The following PARD3B variants were observed in gnomAD, a reference collection of about 807,000 sequenced individuals.
The protein encoded by PARD3B is partitioning defective 3 homolog B.
PARD3B carries 103 observed loss-of-function variants against 130.2 expected under a neutral mutation model. The ratio of observed to expected loss-of-function variants is 0.79; its 90% CI spans 0.67 to 0.93. PARD3B has a LOEUF of 0.93. Ranked by LOEUF, PARD3B falls within the 40% of genes least tolerant of loss-of-function variation. The pLI is 0.00. For synonymous variants in PARD3B, 583 were observed against 553.2 expected (o/e 1.05, Z -0.76); for missense variants, 1,609 against 1,499.2 (o/e 1.07, Z -1.21).
At chr2:204,955,729 A>G (rs1238346318) in intron 2 of PARD3B, among the ~76,000 whole-genome samples, 1 of 152,226 alleles carries the variant, frequency 6.6e-6, no homozygotes, top group East Asian at 1.9e-4. Context: ...CACTTAATAC[A>G]GTGCCTAGCA....
At chr2:204,660,486 C>T (rs2035769552) in intron 1 of PARD3B, among the ~76,000 whole-genome samples, 1 of 152,112 alleles carries the variant, frequency 6.6e-6, no homozygotes, top group Non-Finnish European at 1.5e-5. Context: ...AAATATAAGA[C>T]ATAGAAATGT....
At chr2:205,545,553 T>A (rs2052345514) in intron 21 of PARD3B, among the ~76,000 whole-genome samples, 2 of 152,180 alleles carry the variant, frequency 1.3e-5, no homozygotes, top group Non-Finnish European at 1.5e-5. Context: ...TTGTAATGGA[T>A]CTAAGTAAGA....
At chr2:204,821,939 A>T (rs2043377156) in intron 2 of PARD3B, among the ~76,000 whole-genome samples, 1 of 152,116 alleles carries the variant, frequency 6.6e-6, no homozygotes, top group African/African-American at 2.4e-5. Flanking sequence ...CTAACATAAC[A>T]TCTATTCTGC....
At chr2:205,220,080 G>T (rs958072323) in intron 15 of PARD3B, among the ~76,000 whole-genome samples, 9 of 152,172 alleles carry the variant, frequency 5.9e-5, no homozygotes, top group Admixed American at 5.2e-4. Flanking sequence ...CTGTATTTGG[G>T]TTCAAAAAAG....
chr2:205,116,485 A>G lies in PARD3B; in HGVS notation c.681-2436A>G, dbSNP rs1049805660. On this transcript the variant is annotated intron_variant, in intron 6 of 22. Transcript: ENST00000406610. This position sits in a 1 kb window ranked among gnomAD's most constrained non-coding sequence, Gnocchi z 4.5. ...GAGCAAGAAGAATTGTTACCCCTCT[A>G]ATTCTGTGAGGCTGTGGATTTCAGC... 5.3e-5 allele frequency among the ~76,000 whole-genome samples: 8 copies of G among 152,152 alleles called. No individual in the cohort carries two copies. Among genetic ancestry groups the G allele is most frequent in the African/African-American group, 1.9e-4 (8 of 41,442 alleles).
At chr2:204,993,819 T>C (rs1428234275) in intron 3 of PARD3B, among the ~76,000 whole-genome samples, 2 of 150,768 alleles carry the variant, frequency 1.3e-5, no homozygotes, top group Admixed American at 1.3e-4. Flanking sequence ...AGATTGTATG[T>C]GTCGAGGAAT....
rs2030657039 is a variant in PARD3B at position 205,121,115 on chromosome 2, C to T, written c.807-476C>T. Among the ~76,000 whole-genome samples, 1 of 152,204 alleles carries T rather than the reference C, an allele frequency of 6.6e-6. No homozygotes were observed. The highest frequency in any genetic ancestry group is 6.5e-5 in the Admixed American group (1 of 15,270). ...ATGTCAAACTTGAACTTGTGTAACA[C>T]AACCCATGTTAGAGAAGATCTGTAC... On this transcript the variant is annotated intron_variant, in intron 7 of 22. Coordinates refer to ENST00000406610, the MANE Select transcript of PARD3B (RefSeq NM_001302769.2). This position sits in a 1 kb window ranked among gnomAD's most constrained non-coding sequence, Gnocchi z 5.0.
chr2:204,595,415 C>T (rs1018233677), intron 1 of PARD3B, among the ~76,000 whole-genome samples: 1 of 152,154 alleles, frequency 6.6e-6, no homozygotes, highest in Non-Finnish European at 1.5e-5. Flanking sequence ...TAGTGTGTCC[C>T]AGGCAGTGGT....
chr2:205,213,373 A>T (rs1404190870), intron 15 of PARD3B, among the ~76,000 whole-genome samples: 1 of 152,048 alleles, frequency 6.6e-6, no homozygotes, highest in African/African-American at 2.4e-5. Context: ...TCCCATTCCA[A>T]TCAGGTTATA....
chr2:205,554,478 A>G (rs1302523572), intron 22 of PARD3B, among the ~76,000 whole-genome samples: 2 of 152,356 alleles, frequency 1.3e-5, no homozygotes, highest in East Asian at 3.9e-4. Flanking sequence ...ATTAGGCAGG[A>G]CACCCAAAAT....
At chr2:205,025,969 T>A (rs764705369) in intron 3 of PARD3B, among the ~76,000 whole-genome samples, 3 of 152,314 alleles carry the variant, frequency 2.0e-5, no homozygotes, top group Non-Finnish European at 4.4e-5. Context: ...TGTTCCTTTT[T>A]GAACTTAACA....
chr2:205,182,442 A>C (rs144213080), intron 13 of PARD3B, among the ~76,000 whole-genome samples: 3,865 of 152,248 alleles, frequency 0.025, 99 homozygotes, highest in Non-Finnish European at 0.032. Flanking sequence ...TAAATGGTTC[A>C]CATGAGTGTA....
intron 22 of PARD3B, among the ~76,000 whole-genome samples, chr2:205,579,513 C>T (rs763040723): frequency 6.6e-6 from 1 of 152,164 alleles, no homozygotes; most frequent in Non-Finnish European, 1.5e-5. Flanking sequence ...GCTATTGGGA[C>T]TTTGTGTGAG....
chr2:205,247,794 A>G (rs1001875495), intron 16 of PARD3B, among the ~76,000 whole-genome samples: 1 of 152,266 alleles, frequency 6.6e-6, no homozygotes, highest in Non-Finnish European at 1.5e-5. Context: ...GTAGAGTCAC[A>G]TTAAATGAGA....
intron 1 of PARD3B, among the ~76,000 whole-genome samples, chr2:204,614,408 T>C (rs1189695507): frequency 3.9e-5 from 6 of 152,290 alleles, no homozygotes; most frequent in Non-Finnish European, 2.9e-5. Flanking sequence ...AGGGGCCACA[T>C]GTGACTAGTC....
intron 2 of PARD3B, among the ~76,000 whole-genome samples, chr2:204,772,517 A>G (rs1228074380): frequency 6.6e-6 from 1 of 152,054 alleles, no homozygotes; most frequent in African/African-American, 2.4e-5. Context: ...TATTTTTCAG[A>G]TGGTTTGACT....
At chr2:205,582,123 G>T (rs749387938) in intron 22 of PARD3B, among the ~76,000 whole-genome samples, 2 of 152,180 alleles carry the variant, frequency 1.3e-5, no homozygotes, top group African/African-American at 4.8e-5. Flanking sequence ...GATGCACTAT[G>T]CAGTGAGCAG....
intron 2 of PARD3B, among the ~76,000 whole-genome samples, chr2:204,707,322 A>G (rs1464407200): frequency 6.6e-6 from 1 of 152,224 alleles, no homozygotes; most frequent in Non-Finnish European, 1.5e-5. Context: ...TGAGATTAGC[A>G]TATGCTTTAA....
intron 18 of PARD3B, among the ~76,000 whole-genome samples, chr2:205,371,614 A>G (rs567476373): frequency 6.6e-6 from 1 of 152,268 alleles, no homozygotes; most frequent in African/African-American, 2.4e-5. Context: ...CAGTATTTGG[A>G]GTTTCTTCCT....
Sources: gnomAD v4.1 joint callset for allele counts (sites outside exome capture counted in the v4.1 genomes callset) on GRCh38, gnomAD v4.1.1 for gene constraint, Gnocchi (gnomAD v3.1) non-coding constraint, MANE v1.5 for transcripts, NCBI Gene and HGNC (gene_info 2026-07-23, HGNC 2026-07-21) for gene names.